NSMCE2: variants seen among roughly 807,000 people sequenced by gnomAD.
NSMCE2 encodes the protein NSE2 SUMO ligase component of SMC5/6 complex.
NSMCE2 carries 24 observed loss-of-function variants against 23.8 expected under a neutral mutation model. The ratio of observed to expected loss-of-function variants is 1.01; its 90% CI spans 0.73 to 1.42. The LOEUF (loss-of-function observed/expected upper bound fraction) is 1.42, where lower values mean the gene tolerates loss of function less well. Ranked by LOEUF, NSMCE2 falls within the 40% of genes most tolerant of loss-of-function variation. The pLI, the probability that NSMCE2 is intolerant of heterozygous loss-of-function variation, is 0.00. For missense variants in NSMCE2, 284 were observed against 296.5 expected, an observed-to-expected ratio of 0.96 and a Z score of 0.31; for synonymous variants, 92 against 94.1, an observed-to-expected ratio of 0.98 and a Z score of 0.13.
At chr8:125,258,976 C>T (rs1376481628) in intron 5 of NSMCE2, among the ~76,000 whole-genome samples, 1 of 152,164 alleles carries the variant, frequency 6.6e-6, no homozygotes, top group Non-Finnish European at 1.5e-5. Context: ...GATCTCGGCT[C>T]ACTGCAACCT....
chr8:125,293,486 T>C (rs1476230862), intron 5 of NSMCE2, among the ~76,000 whole-genome samples: 1 of 134,362 alleles, frequency 7.4e-6, no homozygotes, highest in African/African-American at 3.0e-5. Flanking sequence ...TGGGTTAATT[T>C]TGAAATTTAT....
In NSMCE2 at chr8:125,335,381, C is replaced by T. The variant is rs150336571; in HGVS notation, c.419-21838C>T. On this transcript the variant is annotated intron_variant, in intron 5 of 7. Coordinates refer to ENST00000287437, the MANE Select transcript of NSMCE2 (RefSeq NM_173685.4). Reference sequence around the variant, plus strand: ...CATCCAGACAGGTGTTTCCCCTGTGCGTATGACAAAACGCACTCAAGGTGA... The same window carrying T: ...CATCCAGACAGGTGTTTCCCCTGTGTGTATGACAAAACGCACTCAAGGTGA... Among the ~76,000 whole-genome samples the T allele has an allele frequency of 3.9e-3, 598 of 152,292 alleles. 13 individuals are homozygous for T. The highest frequency in any genetic ancestry group is 0.034 in the Admixed American group (519 of 15,300).
intron 5 of NSMCE2, among the ~76,000 whole-genome samples, chr8:125,231,841 T>C (rs535506706): frequency 1.3e-5 from 2 of 152,350 alleles, no homozygotes; most frequent in East Asian, 3.9e-4. Flanking sequence ...CATGCACCTC[T>C]TGAAAGAAGG....
intron 5 of NSMCE2, among the ~76,000 whole-genome samples, chr8:125,353,848 A>T (rs1213400605): frequency 6.6e-6 from 1 of 151,234 alleles, no homozygotes; most frequent in Non-Finnish European, 1.5e-5. Flanking sequence ...GTGCCATTGC[A>T]CTCCAGCCTG....
chr8:125,135,572 G>A (rs888048384), intron 3 of NSMCE2, among the ~76,000 whole-genome samples: 1 of 152,000 alleles, frequency 6.6e-6, no homozygotes, highest in African/African-American at 2.4e-5. Flanking sequence ...ATGGAATAAG[G>A]TACGAGGTAT....
At chr8:125,364,049 T>G (rs1813681596) in intron 7 of NSMCE2, among the ~76,000 whole-genome samples, 1 of 152,078 alleles carries the variant, frequency 6.6e-6, no homozygotes, top group Non-Finnish European at 1.5e-5. Context: ...ATTCAAGTGA[T>G]TTTCCTGCCT....
intron 4 of NSMCE2, among the ~76,000 whole-genome samples, chr8:125,180,884 C>T (rs950404945): frequency 2.6e-5 from 4 of 152,172 alleles, no homozygotes; most frequent in African/African-American, 9.7e-5. Flanking sequence ...TGAGTACTAC[C>T]TACTGTGTGC....
intron 5 of NSMCE2, among the ~76,000 whole-genome samples, chr8:125,305,272 G>GT (rs1828715105): frequency 6.6e-6 from 1 of 152,208 alleles, no homozygotes; most frequent in Admixed American, 6.5e-5. Context: ...GGAGTAAGTA[G>GT]TATCATTGCC....
At position 125,232,879 on chromosome 8, in the gene NSMCE2, T is replaced by A. The variant is rs1825387111; in HGVS notation, c.418+50623T>A. Among the ~76,000 whole-genome samples, 3 of 152,252 alleles carry A rather than the reference T, an allele frequency of 2.0e-5. 1 individual carries two copies. The South Asian group carries it at 6.2e-4, about 31-fold the overall frequency. On this transcript the variant is annotated intron_variant, in intron 5 of 7. Transcript: ENST00000287437. ...TAGTTGAGACTAAAGGACTGTTATG[T>A]GAATGAGTTATTCTCTGACAGGAAC...
chr8:125,235,076 C>A (rs1586650810), intron 5 of NSMCE2, among the ~76,000 whole-genome samples: 1 of 151,814 alleles, frequency 6.6e-6, no homozygotes. Context: ...TGAAAACCCA[C>A]CTCTACTAAA....
intron 5 of NSMCE2, among the ~76,000 whole-genome samples, chr8:125,240,714 A>ATT (rs145704600): frequency 1.7e-4 from 26 of 149,102 alleles, no homozygotes; most frequent in Middle Eastern, 3.2e-3. Flanking sequence ...TGTAATGGTT[A>ATT]TTTTTTTTTT....
intron 5 of NSMCE2, among the ~76,000 whole-genome samples, chr8:125,345,044 AC>A (rs377464765): frequency 6.6e-6 from 1 of 150,830 alleles, no homozygotes; most frequent in African/African-American, 2.5e-5. Context: ...AAAAAAAAAA[AC>A]CTCCACATTT....
intron 5 of NSMCE2, among the ~76,000 whole-genome samples, chr8:125,220,942 A>C (rs1358750345): frequency 1.3e-5 from 2 of 152,144 alleles, no homozygotes; most frequent in Admixed American, 6.5e-5. Context: ...GGCTTTCTCT[A>C]ACTTGGGCCC....
chr8:125,303,552 C>T (rs370379285), intron 5 of NSMCE2, among the ~76,000 whole-genome samples: 4 of 152,006 alleles, frequency 2.6e-5, no homozygotes, highest in Admixed American at 6.5e-5. Flanking sequence ...GTGCCAAGAA[C>T]GTCAAAATAA....
intron 5 of NSMCE2, among the ~76,000 whole-genome samples, chr8:125,290,100 G>A (rs1828050363): frequency 6.6e-6 from 1 of 152,078 alleles, no homozygotes; most frequent in Admixed American, 6.6e-5. Flanking sequence ...AAGCACCTGA[G>A]AAGCATTATT....
chr8:125,164,895 G>T (rs2384877), intron 4 of NSMCE2, among the ~76,000 whole-genome samples: 5,305 of 152,212 alleles, frequency 0.035, 299 homozygotes, highest in African/African-American at 0.12. Context: ...GTTATCTCCG[G>T]TTGAATAATT....
chr8:125,197,121 C>CA (rs1823660378), intron 5 of NSMCE2, among the ~76,000 whole-genome samples: 1 of 152,124 alleles, frequency 6.6e-6, no homozygotes, highest in Admixed American at 6.5e-5. Flanking sequence ...AGGTAGATTG[C>CA]AAAAATATTC....
At chr8:125,343,661 G>A (rs1368311934) in intron 5 of NSMCE2, among the ~76,000 whole-genome samples, 6 of 151,694 alleles carry the variant, frequency 4.0e-5, no homozygotes, top group Admixed American at 2.0e-4. Context: ...AAAAATTAAA[G>A]TATGACATAT....
chr8:125,355,651 G>T (rs1332689533), intron 5 of NSMCE2, among the ~76,000 whole-genome samples: 1 of 132,694 alleles, frequency 7.5e-6, no homozygotes, highest in Non-Finnish European at 1.5e-5. Context: ...AGTGAGCCAA[G>T]ATCGCGCCAT....
Sources: gnomAD v4.1 joint callset for allele counts (sites outside exome capture counted in the v4.1 genomes callset) on GRCh38, gnomAD v4.1.1 for gene constraint, MANE v1.5 for transcripts, NCBI Gene and HGNC (gene_info 2026-07-23, HGNC 2026-07-21) for gene names.